The following GMNN variants were observed in gnomAD, a reference collection of about 807,000 sequenced individuals.
The protein encoded by GMNN is geminin.
Under a neutral mutation model 20.9 loss-of-function variants are expected in GMNN, and 14 were observed. The ratio of observed to expected loss-of-function variants is 0.67; its 90% CI spans 0.44 to 1.05. The LOEUF is 1.05. Among genes scored for constraint, GMNN ranks in the 50% least tolerant of loss-of-function variants. The pLI is 0.00. For missense variants in GMNN, 227 were observed against 243.8 expected (o/e 0.93, Z 0.46); for synonymous variants, 81 against 85.8 (o/e 0.94, Z 0.31).
intron 2 of GMNN, among the ~76,000 whole-genome samples, chr6:24,780,172 G>T (rs1229240711): frequency 6.6e-6 from 1 of 152,110 alleles, no homozygotes; most frequent in Non-Finnish European, 1.5e-5. Context: ...ACGATGTTTG[G>T]TTTTATAAAA....
rs754822133 is a variant in GMNN at position 24,786,090 on chromosome 6, G to A, written c.*291G>A. ...TAGAATAATGAAATATAAGGAGTAT[G>A]TGTAGAAAATTTGTCTGTTTCTATG... On this transcript the variant is annotated 3_prime_UTR_variant, in exon 7 of 7. Coordinates refer to ENST00000230056, the MANE Select transcript of GMNN (RefSeq NM_015895.5). 21 of 228,892 alleles carry A rather than the reference G, an allele frequency of 9.2e-5. No individual in the cohort carries two copies. Among genetic ancestry groups the A allele is most frequent in the Admixed American group, 1.8e-4 (3 of 16,986 alleles). The allele number at this position is 228,892 out of a possible 1,614,324, so 14.2% of individuals were successfully genotyped here. A position where few individuals can be genotyped will look rare whatever the true frequency, so the allele number is the denominator to read the frequency against.
At position 24,780,797 on chromosome 6, in the gene GMNN, A is replaced by G. The variant is rs2245409; in HGVS notation, c.129+57A>G. 0.14 allele frequency: 112,434 copies of G among 811,742 alleles called. 9,159 individuals carry two copies. The highest frequency in any genetic ancestry group is 0.25 in the South Asian group (17,063 of 69,008). 50.3% of individuals were successfully genotyped at this position (811,742 alleles called of 1,614,324 possible). A position where few individuals can be genotyped will look rare whatever the true frequency, so the allele number is the denominator to read the frequency against. On this transcript the variant is annotated intron_variant, in intron 3 of 6. Transcript: ENST00000230056. ...GTGATACAGTGTCTACATCGAAAAC[A>G]TTTCTACTATTTTCTTGGTCAGAAA... is the stretch of plus-strand genomic sequence containing the variant.
At chr6:24,776,380 T>C (rs527539570) in intron 1 of GMNN, among the ~76,000 whole-genome samples, 1 of 152,276 alleles carries the variant, frequency 6.6e-6, no homozygotes, top group Admixed American at 6.5e-5. Flanking sequence ...ATCATGCAGG[T>C]GATCCGCCTG....
chr6:24,781,838 A>G (rs927273989), intron 4 of GMNN, among the ~76,000 whole-genome samples: 34 of 152,208 alleles, frequency 2.2e-4, no homozygotes, highest in African/African-American at 8.2e-4. Context: ...CTGTAATCCC[A>G]GTAGCTTAGG....
In GMNN at chr6:24,781,483, G is replaced by A. The variant is rs150391376; in HGVS notation, c.136G>A (p.Ala46Thr). The change falls in exon 4 of 7, where the codon GCA (alanine) becomes ACA (threonine). Residue 46 changes from alanine (A) to threonine (T), a missense_variant. Ala to Thr is a moderately conservative substitution (Grantham distance 58). Transcript: ENST00000230056. The stretch of plus-strand genomic sequence containing the variant: ...ATAAGTGTTTTCATTATAGCTGTCC[G>A]CAGGCTTGTCCAAAAGGAAACATCG... Reference protein sequence around the residue: ...SLVGRENELSAGLSKRKHRND... With the variant: ...SLVGRENELSTGLSKRKHRND... 4.5e-5 allele frequency: 71 copies of A among 1,592,632 alleles called. No individual in the cohort carries two copies. The highest frequency in any genetic ancestry group is 8.4e-5 in the Admixed American group (5 of 59,724).
rs1780091583 is a variant in GMNN, at chr6:24,777,070, T to G, written c.-25-152T>G. On this transcript the variant is annotated intron_variant, in intron 1 of 6. Transcript: ENST00000230056. ...TATAGATATCAAGAGTCATTAACTT[T>G]AGTCACCTTAGTCATTGACAGGGCT... The G allele has an allele frequency of 7.5e-6, 3 of 401,208 alleles. No individual in the cohort carries two copies. In the South Asian group the frequency reaches 3.1e-4, roughly 42 times the overall value. 24.9% of individuals were successfully genotyped at this position (401,208 alleles called of 1,614,324 possible). A position where few individuals can be genotyped will look rare whatever the true frequency, so the allele number is the denominator to read the frequency against.
In GMNN at chr6:24,785,748, G is replaced by T. The variant is rs373551106; in HGVS notation, c.579G>T (p.Thr193=). 11 of 1,588,186 alleles carry T rather than the reference G, an allele frequency of 6.9e-6. No individual in the cohort carries two copies. The highest frequency in any genetic ancestry group is 1.4e-5 in the African/African-American group (1 of 73,814). The part of the protein sequence containing the change: ...DSLVEDSEIG[T]CAEGTVSSST... ...TAGTGGAAGACTCAGAAATTGGCAC[G>T]TGTGCTGAAGGAACTGTATCTTCCT... Residue 193 remains threonine, a synonymous_variant, in exon 7 of 7, where the codon ACG becomes ACT. Transcript: ENST00000230056.
Position 24,785,647 on chromosome 6 carries a change from G to T in GMNN, c.478G>T (p.Gly160Cys). The T allele has an allele frequency of 6.7e-7, 1 of 1,489,992 alleles. No individual in the cohort carries two copies. The highest frequency in any genetic ancestry group is 9.2e-7 in the Non-Finnish European group (1 of 1,083,152). 92.3% of individuals were successfully genotyped at this position (1,489,992 alleles called of 1,614,324 possible). The change falls in exon 7 of 7, where the codon GGT becomes TGT. Residue 160 changes from glycine (G) to cysteine (C), a missense_variant. Gly to Cys is a radical substitution (Grantham distance 159, BLOSUM62 -3). Coordinates refer to ENST00000230056, the MANE Select transcript of GMNN (RefSeq NM_015895.5). ...YMAELIERLN[G>C]EPLDNFESLD... ...GTTTATTCTTTAAAAGAGACTGAAT[G>T]GTGAACCTCTGGATAATTTTGAATC...
At chr6:24,782,158 G>C (rs2113580148) in intron 4 of GMNN, among the ~76,000 whole-genome samples, 1 of 152,236 alleles carries the variant, frequency 6.6e-6, no homozygotes, top group East Asian at 1.9e-4. Context: ...TTGCCTTGTA[G>C]GGGTTTACAA....
rs550138757 is a variant in GMNN at position 24,783,876 on chromosome 6, G to A, written c.275-211G>A. On this transcript the variant is annotated intron_variant, in intron 4 of 6. Transcript: ENST00000230056. Reference sequence around the variant, plus strand: ...AATAATCTAGGTGGAAGATATATACGTATTGTACTTTTGTTGTAATTCTGA... The same window carrying A: ...AATAATCTAGGTGGAAGATATATACATATTGTACTTTTGTTGTAATTCTGA... 5.3e-4 allele frequency among the ~76,000 whole-genome samples: 80 copies of A among 152,090 alleles called. 2 individuals carry two copies. The highest frequency in any genetic ancestry group is 1.4e-3 in the African/African-American group (60 of 41,512).
chr6:24,784,190 G>C (rs761225926), intron 5 of GMNN, 21 bp downstream of exon 5: 5 of 1,209,240 alleles, frequency 4.1e-6, no homozygotes, highest in Non-Finnish European at 6.1e-6. Context: ...AGTATAATTT[G>C]TACCATTTTT....
chr6:24,785,924 G>T lies in GMNN; in HGVS notation c.*125G>T. The T allele has an allele frequency of 1.6e-6, 1 of 634,442 alleles. No homozygotes were observed. The highest frequency in any genetic ancestry group is 3.0e-5 in the Admixed American group (1 of 32,920). 39.3% of individuals were successfully genotyped at this position (634,442 alleles called of 1,614,324 possible). A position where few individuals can be genotyped will look rare whatever the true frequency, so the allele number is the denominator to read the frequency against. ...TCAAATTTCCTTGTTTGAATCCTGG[G>T]ACCCTATTGCATTAAAGTACAAATA... On this transcript the variant is annotated 3_prime_UTR_variant, in exon 7 of 7. Transcript: ENST00000230056.
chr6:24,777,197 A>C, intron 1 of GMNN, 25 bp from the exon 2 acceptor site: 1 of 812,948 alleles, frequency 1.2e-6, no homozygotes, highest in South Asian at 1.8e-5. Flanking sequence ...CGGGGGTGCA[A>C]ACCATATTGT....
At chr6:24,784,246 A>C in intron 5 of GMNN, 77 bp downstream of exon 5, 3 of 812,220 alleles carry the variant, frequency 3.7e-6, no homozygotes, top group Non-Finnish European at 6.4e-6. Flanking sequence ...TTATTAGAGC[A>C]ATATGGGCTA....
At chr6:24,782,537 G>C (rs890324919) in intron 4 of GMNN, among the ~76,000 whole-genome samples, 1 of 152,154 alleles carries the variant, frequency 6.6e-6, no homozygotes, top group South Asian at 2.1e-4. Context: ...AGGAAGAAGA[G>C]AAATAGATGG....
Position 24,780,727 on chromosome 6 carries a change from G to A in GMNN, c.116G>A (p.Gly39Glu). 1 of 1,568,254 alleles carries A rather than the reference G, an allele frequency of 6.4e-7. No individual in the cohort carries two copies. ...CCTTCTGCATCTGGATCTCTTGTTG[G>A]AAGAGAAAATGAGGTATGCACTATA... ...IQPSASGSLV[G>E]RENELSAGLS... The change falls in exon 3 of 7, where the codon GGA becomes GAA. Residue 39 changes from glycine (G) to glutamate (E), a missense_variant. Transcript: ENST00000230056.
chr6:24,776,263 AATTTTTGT>A (rs1780067042), intron 1 of GMNN, among the ~76,000 whole-genome samples: 4 of 151,962 alleles, frequency 2.6e-5, no homozygotes, highest in African/African-American at 9.6e-5. Flanking sequence ...ACGTCCGGCT[AATTTTTGT>A]ATTTTTGGTA....
At chr6:24,778,510 T>A (rs985354135) in intron 2 of GMNN, among the ~76,000 whole-genome samples, 2 of 151,974 alleles carry the variant, frequency 1.3e-5, no homozygotes, top group Non-Finnish European at 1.5e-5. Context: ...CCTAAAAAAA[T>A]TTTTTTTATA....
At chr6:24,778,117 A>G (rs1359669671) in intron 2 of GMNN, among the ~76,000 whole-genome samples, 2 of 152,174 alleles carry the variant, frequency 1.3e-5, no homozygotes, top group Non-Finnish European at 2.9e-5. Flanking sequence ...TTAATTTACA[A>G]TTTAGCTAGG....
Sources: gnomAD v4.1 joint callset for allele counts (sites outside exome capture counted in the v4.1 genomes callset) on GRCh38, gnomAD v4.1.1 for gene constraint, MANE v1.5 for transcripts, NCBI Gene and HGNC (gene_info 2026-07-23, HGNC 2026-07-21) for gene names.